FRYL: variants seen among roughly 807,000 people sequenced by gnomAD.
The protein encoded by FRYL is FRY like transcription coactivator, also known as protein furry homolog-like.
Under a neutral mutation model 351.2 loss-of-function variants are expected in FRYL, and 150 were observed. The ratio of observed to expected loss-of-function variants is 0.43; its 90% confidence interval spans 0.37 to 0.49. The LOEUF is 0.49. Ranked by LOEUF, FRYL falls within the 20% of genes least tolerant of loss-of-function variation. The probability of loss-of-function intolerance (pLI) is 0.00; values close to 1 mark genes in which losing one functional copy is unlikely to be tolerated. For missense variants in FRYL, 3,036 were observed against 3,619.3 expected (o/e 0.84, Z 4.13); for synonymous variants, 1,153 against 1,257.1 (o/e 0.92, Z 1.75).
chr4:48,672,012 TTC>T (rs1231232209), intron 3 of FRYL, among the ~76,000 whole-genome samples: 1 of 152,152 alleles, frequency 6.6e-6, no homozygotes, highest in Non-Finnish European at 1.5e-5. Context: ...CTAGAATACT[TTC>T]TGTGACAGAA....
At chr4:48,500,281 G>T in intron 62 of FRYL, 61 bp from the exon 63 acceptor site, 1 of 1,077,070 alleles carries the variant, frequency 9.3e-7, no homozygotes, top group Non-Finnish European at 1.3e-6. Flanking sequence ...CATTTAGTTG[G>T]CTACAAGAAT....
intron 3 of FRYL, among the ~76,000 whole-genome samples, chr4:48,650,885 A>G (rs1437082291): frequency 6.6e-6 from 1 of 152,126 alleles, no homozygotes. Flanking sequence ...CGGAAATTTG[A>G]GTAGGCAGAA....
chr4:48,552,411 C>G (rs993506446), intron 36 of FRYL, among the ~76,000 whole-genome samples: 2 of 147,600 alleles, frequency 1.4e-5, no homozygotes, highest in Non-Finnish European at 3.0e-5. Context: ...ACACAGACAA[C>G]AAGTTCCATA....
At position 48,498,936 on chromosome 4, in the gene FRYL, C is replaced by CT. The variant is rs1718966914; in HGVS notation, c.*485dup. 1.1e-5 allele frequency: 2 copies of CT among 174,414 alleles called. No individual in the cohort carries two copies. The highest frequency in any genetic ancestry group is 1.1e-4 in the Admixed American group (2 of 18,108). 10.8% of individuals were successfully genotyped at this position (174,414 alleles called of 1,614,324 possible). A position where few individuals can be genotyped will look rare whatever the true frequency, so the allele number is the denominator to read the frequency against. On this transcript the variant is annotated 3_prime_UTR_variant, in exon 64 of 64. Transcript: ENST00000358350. ...AACGAGTCTTGATGCGTATAGCTGA[C>CT]TGCATGTTCATGTGGATGGATGATT...
At chr4:48,769,788 T>C (rs1396473975) in intron 1 of FRYL, among the ~76,000 whole-genome samples, 3 of 152,232 alleles carry the variant, frequency 2.0e-5, no homozygotes, top group African/African-American at 7.2e-5. Flanking sequence ...TGGATGGTTT[T>C]CTAGGACTTT....
intron 1 of FRYL, among the ~76,000 whole-genome samples, 156 bp downstream of exon 1, chr4:48,779,922 C>T (rs1402773311): frequency 3.9e-5 from 6 of 151,910 alleles, no homozygotes; most frequent in Admixed American, 2.0e-4. Flanking sequence ...CCATCCTGGA[C>T]CGCCTTCCCT....
At chr4:48,500,777 T>A (rs942663519) in intron 62 of FRYL, among the ~76,000 whole-genome samples, 1 of 152,140 alleles carries the variant, frequency 6.6e-6, no homozygotes, top group Non-Finnish European at 1.5e-5. Flanking sequence ...TTTTCTTGTG[T>A]GCACTAATAA....
chr4:48,636,747 TTAAA>T (rs1560763581), intron 3 of FRYL: 1 of 152,186 alleles, frequency 6.6e-6, no homozygotes, highest in South Asian at 2.1e-4. Context: ...ACCTTTTTGA[TTAAA>T]TAATTTATTT....
At chr4:48,534,477 C>A in intron 49 of FRYL, 68 bp downstream of exon 49, 2 of 1,229,396 alleles carry the variant, frequency 1.6e-6, no homozygotes, top group South Asian at 1.3e-5. Flanking sequence ...TAAGGCATTT[C>A]CAATATTGTG....
chr4:48,671,858 C>CAAACA (rs1762752462), intron 3 of FRYL, among the ~76,000 whole-genome samples: 5 of 22,398 alleles, frequency 2.2e-4, no homozygotes, highest in Non-Finnish European at 3.6e-4. Context: ...GTCTCAAAAA[C>CAAACA]AAAAAAAAAA....
At chr4:48,700,855 A>G (rs561852789) in intron 2 of FRYL, among the ~76,000 whole-genome samples, 59 of 152,180 alleles carry the variant, frequency 3.9e-4, no homozygotes, top group African/African-American at 1.4e-3. Context: ...AACTAAATGC[A>G]TTATAATTGA....
In FRYL at chr4:48,714,985, T is replaced by C. The variant is rs1352881826; in HGVS notation, c.-383-4287A>G. ...GGTTCAATATATGCAAATCAATAAA[T>C]GTAATCCAGCATAAAAACAGAACCA... On this transcript the variant is annotated intron_variant, in intron 1 of 63. Transcript: ENST00000358350. Among the ~76,000 whole-genome samples, 13 of 152,188 alleles carry C rather than the reference T, an allele frequency of 8.5e-5. No individual in the cohort carries two copies. In the East Asian group the frequency reaches 2.5e-3, roughly 29 times the overall value.
chr4:48,524,183 T>TA (rs1725494337), intron 53 of FRYL, among the ~76,000 whole-genome samples: 1 of 151,672 alleles, frequency 6.6e-6, no homozygotes. Context: ...TTCAAATCTT[T>TA]TTTTTTTTTT....
At chr4:48,732,857 T>C (rs1295233962) in intron 1 of FRYL, among the ~76,000 whole-genome samples, 2 of 150,486 alleles carry the variant, frequency 1.3e-5, no homozygotes, top group African/African-American at 2.5e-5. Context: ...CAAACCACCA[T>C]GGAATGTGCG....
chr4:48,742,452 T>G lies in FRYL; in HGVS notation c.-383-31754A>C, dbSNP rs193260021. Among the ~76,000 whole-genome samples the G allele has an allele frequency of 3.3e-5, 5 of 152,340 alleles. No individual in the cohort carries two copies. In the East Asian group the frequency reaches 9.6e-4, roughly 29 times the overall value. On this transcript the variant is annotated intron_variant, in intron 1 of 63. Transcript: ENST00000358350. ...TCTTACTCTCCCAACTTCATCATGTTGGATGCCACAGGACTCAGTCTCTGG... is the reference window on the plus strand; with the variant it reads ...TCTTACTCTCCCAACTTCATCATGTGGGATGCCACAGGACTCAGTCTCTGG...
chr4:48,639,292 C>T (rs2149387535), intron 3 of FRYL, among the ~76,000 whole-genome samples: 1 of 151,950 alleles, frequency 6.6e-6, no homozygotes, highest in East Asian at 1.9e-4. Context: ...CAGGACGTGA[C>T]TTCAAAAAAG....
chr4:48,578,488 T>C (rs1369390248), intron 23 of FRYL, among the ~76,000 whole-genome samples: 1 of 152,204 alleles, frequency 6.6e-6, no homozygotes, highest in Non-Finnish European at 1.5e-5. Context: ...CTCCATTTCA[T>C]CATCAGTTAT....
intron 53 of FRYL, among the ~76,000 whole-genome samples, chr4:48,527,249 C>A (rs1354281524): frequency 6.6e-6 from 1 of 151,968 alleles, no homozygotes; most frequent in African/African-American, 2.4e-5. Context: ...TTGAAGGAAG[C>A]CATTTTTTAA....
intron 19 of FRYL, among the ~76,000 whole-genome samples, chr4:48,585,373 T>A (rs1443427332): frequency 6.6e-6 from 1 of 152,162 alleles, no homozygotes; most frequent in African/African-American, 2.4e-5. Context: ...TTGAGGATAA[T>A]GTAGTGCCAG....
Sources: allele counts gnomAD v4.1 joint callset (sites outside exome capture counted in the v4.1 genomes callset), GRCh38; gene constraint gnomAD v4.1.1; transcripts MANE v1.5; gene names NCBI Gene and HGNC (gene_info 2026-07-23, HGNC 2026-07-21).